SH3BGRL2: variants seen among roughly 807,000 people sequenced by gnomAD.
SH3BGRL2 encodes SH3 domain binding glutamate rich protein like 2.
A neutral mutation model predicts 14.8 loss-of-function variants in SH3BGRL2; 21 were observed. That is an observed-to-expected ratio of 1.42 (90% CI 1.01 to 2.05). The LOEUF (loss-of-function observed/expected upper bound fraction) is 2.05. Ranked by LOEUF, SH3BGRL2 falls within the 30% of genes most tolerant of loss-of-function variation. The pLI, the probability that SH3BGRL2 is intolerant of heterozygous loss-of-function variation, is 0.00. For missense variants in SH3BGRL2, 147 were observed against 130.8 expected, an observed-to-expected ratio of 1.12 and a Z score of -0.61; for synonymous variants, 50 against 47.8, an observed-to-expected ratio of 1.05 and a Z score of -0.19.
chr6:79,608,557 T>C, the SH3BGRL2 span, among the ~76,000 whole-genome samples: 1 of 152,208 alleles, frequency 6.6e-6, no homozygotes, highest in Admixed American at 6.5e-5. Flanking sequence ...TCTGACTTAA[T>C]AGGATGCAGA....
upstream of SH3BGRL2, among the ~76,000 whole-genome samples, chr6:79,626,925 A>C (rs1768743680): frequency 1.3e-5 from 2 of 152,174 alleles, no homozygotes; most frequent in Admixed American, 1.3e-4. Context: ...AGACGCACTT[A>C]AACTAGCTCA....
chr6:79,672,534 G>A (rs1582730875), intron 1 of SH3BGRL2, among the ~76,000 whole-genome samples: 1 of 148,578 alleles, frequency 6.7e-6, no homozygotes, highest in Non-Finnish European at 1.5e-5. Flanking sequence ...CAGAGCTTCT[G>A]TTTTTTTTCT....
chr6:79,679,495 G>T (rs748506933), intron 2 of SH3BGRL2, among the ~76,000 whole-genome samples: 1 of 151,684 alleles, frequency 6.6e-6, no homozygotes, highest in Admixed American at 6.6e-5. Flanking sequence ...ATAAATTCTG[G>T]ATATTAGACC....
At chr6:79,564,446 A>G in the SH3BGRL2 span, among the ~76,000 whole-genome samples, 1 of 152,078 alleles carries the variant, frequency 6.6e-6, no homozygotes, top group Non-Finnish European at 1.5e-5. Flanking sequence ...TGTGTCTTTT[A>G]CTACTTCTGC....
chr6:79,549,542 C>T, the SH3BGRL2 span, among the ~76,000 whole-genome samples: 2,625 of 152,264 alleles, frequency 0.017, 34 homozygotes, highest in Non-Finnish European at 0.026. Context: ...CACTGTGTTA[C>T]AATTGCCTAC....
chr6:79,553,730 G>A, the SH3BGRL2 span, among the ~76,000 whole-genome samples: 2 of 152,080 alleles, frequency 1.3e-5, no homozygotes, highest in Non-Finnish European at 2.9e-5. Context: ...CTAGCACTTG[G>A]GGAGGCTAAG....
the SH3BGRL2 span, among the ~76,000 whole-genome samples, chr6:79,592,667 G>A: frequency 0.024 from 3,717 of 152,306 alleles, 61 homozygotes; most frequent in Middle Eastern, 0.071. Flanking sequence ...GGAGAGGGTA[G>A]AAATGAGGCT....
At chr6:79,673,448 G>A (rs916314306) in intron 1 of SH3BGRL2, among the ~76,000 whole-genome samples, 166 bp from the exon 2 acceptor site, 2 of 152,068 alleles carry the variant, frequency 1.3e-5, no homozygotes, top group African/African-American at 4.8e-5. Context: ...ACTGTGTTGG[G>A]GCTGGCTCAG....
the SH3BGRL2 span, among the ~76,000 whole-genome samples, chr6:79,615,836 T>C: frequency 6.1e-5 from 9 of 147,954 alleles, no homozygotes; most frequent in African/African-American, 1.5e-4. Flanking sequence ...TTCTTTCTTT[T>C]TTTTTTTTTT....
the SH3BGRL2 span, among the ~76,000 whole-genome samples, chr6:79,572,289 C>G: frequency 6.6e-6 from 1 of 152,032 alleles, no homozygotes; most frequent in Non-Finnish European, 1.5e-5. Flanking sequence ...TCTTCGTGCA[C>G]GTAATATGTA....
chr6:79,565,920 C>T, the SH3BGRL2 span, among the ~76,000 whole-genome samples: 1 of 152,220 alleles, frequency 6.6e-6, no homozygotes, highest in African/African-American at 2.4e-5. Context: ...TTCCTTCTAT[C>T]CAGCTGATTA....
chr6:79,539,235 C>T, the SH3BGRL2 span, among the ~76,000 whole-genome samples: 1 of 152,060 alleles, frequency 6.6e-6, no homozygotes, highest in African/African-American at 2.4e-5. Context: ...AAGGTTACCC[C>T]AAAATATGAG....
chr6:79,584,397 T>G, the SH3BGRL2 span, among the ~76,000 whole-genome samples: 3 of 152,174 alleles, frequency 2.0e-5, no homozygotes, highest in Non-Finnish European at 4.4e-5. Flanking sequence ...ATTATTTTAA[T>G]TGTTATTTTT....
chr6:79,686,947 T>G lies in SH3BGRL2; in HGVS notation c.232-9538T>G, dbSNP rs1582738021. On this transcript the variant is annotated intron_variant, in intron 2 of 3. Transcript: ENST00000369838. ...CCCTCCAGGGTGAACTTCCTTTCCA[T>G]TTTTCCCTTTCTGTGTCTGATGTGG... is the stretch of plus-strand genomic sequence containing the variant. 2.0e-5 allele frequency among the ~76,000 whole-genome samples: 3 copies of G among 152,252 alleles called. No individual in the cohort carries two copies. In the East Asian group the frequency reaches 5.8e-4, roughly 29 times the overall value.
chr6:79,543,936 TAAAATC>T, the SH3BGRL2 span, among the ~76,000 whole-genome samples: 1 of 152,178 alleles, frequency 6.6e-6, no homozygotes, highest in East Asian at 1.9e-4. Flanking sequence ...ATATGGTAGT[TAAAATC>T]AGAATTGCCC....
At chr6:79,687,283 G>A (rs1770115686) in intron 2 of SH3BGRL2, among the ~76,000 whole-genome samples, 1 of 152,084 alleles carries the variant, frequency 6.6e-6, no homozygotes, top group Non-Finnish European at 1.5e-5. Flanking sequence ...CTGTTTGGTT[G>A]TATTTTATGT....
At chr6:79,622,102 T>TA in the SH3BGRL2 span, among the ~76,000 whole-genome samples, 3 of 152,262 alleles carry the variant, frequency 2.0e-5, no homozygotes, top group East Asian at 5.8e-4. Flanking sequence ...CACATCTTGT[T>TA]ATGTGAAAGA....
intron 1 of SH3BGRL2, among the ~76,000 whole-genome samples, chr6:79,639,162 T>G (rs1768984217): frequency 6.6e-6 from 1 of 152,218 alleles, no homozygotes. Context: ...AGTTCTTAAA[T>G]GAATTGTGTT....
chr6:79,550,948 C>T, the SH3BGRL2 span, among the ~76,000 whole-genome samples: 1 of 152,104 alleles, frequency 6.6e-6, no homozygotes, highest in African/African-American at 2.4e-5. Flanking sequence ...TATATTTTCT[C>T]ACAAAACCAG....
Sources: gnomAD v4.1 joint callset for allele counts (sites outside exome capture counted in the v4.1 genomes callset) on GRCh38, gnomAD v4.1.1 for gene constraint, MANE v1.5 for transcripts, NCBI Gene and HGNC (gene_info 2026-07-23, HGNC 2026-07-21) for gene names.